The following TPD52 variants were observed in gnomAD, a reference collection of about 807,000 sequenced individuals.
The protein encoded by TPD52 is tumor protein D52.
In TPD52, 17 loss-of-function variants were observed where a neutral mutation model predicts 31.3. The observed-to-expected ratio is 0.54, with a 90% CI of 0.37 to 0.82. The LOEUF (loss-of-function observed/expected upper bound fraction) is 0.82, where lower values mean the gene tolerates loss of function less well. TPD52 is among the 40% of genes least tolerant of loss of function. TPD52 has a pLI of 0.00. For missense variants in TPD52, 212 were observed against 240.1 expected (o/e 0.88, Z 0.77); for synonymous variants, 83 against 89.6 (o/e 0.93, Z 0.42).
Position 80,061,378 on chromosome 8 carries a change from C to G in TPD52, c.135+3100G>C, listed in dbSNP as rs1446516281. On this transcript the variant is annotated intron_variant, in intron 2 of 7. Coordinates refer to ENST00000518937, the MANE Select transcript of TPD52 (RefSeq NM_001025253.3). ...AAACTCCATACCTTCCCCCCCACCGCCCCCCCCAAAAAAAAAAGAATCCAC... is the reference window on the plus strand; with the variant it reads ...AAACTCCATACCTTCCCCCCCACCGGCCCCCCCAAAAAAAAAAGAATCCAC... Among the ~76,000 whole-genome samples, 111 of 77,102 alleles carry G rather than the reference C, an allele frequency of 1.4e-3. 2 individuals carry two copies. The highest frequency in any genetic ancestry group is 4.6e-3 in the African/African-American group (107 of 23,476). 50.6% of individuals were successfully genotyped at this position (77,102 alleles called of 152,430 possible).
At chr8:80,094,441 T>A (rs1427922424) in intron 1 of TPD52, among the ~76,000 whole-genome samples, 1 of 33,372 alleles carries the variant, frequency 3.0e-5, no homozygotes, top group African/African-American at 2.0e-4. Context: ...TATATATATA[T>A]ATATATATAT....
chr8:80,132,253 G>A (rs1027366018), intron 1 of TPD52, among the ~76,000 whole-genome samples: 1 of 151,960 alleles, frequency 6.6e-6, no homozygotes, highest in Non-Finnish European at 1.5e-5. Context: ...GGAGCCTATG[G>A]GCAAATTTAT....
At chr8:80,079,216 T>A (rs1814951316) in intron 1 of TPD52, among the ~76,000 whole-genome samples, 1 of 152,228 alleles carries the variant, frequency 6.6e-6, no homozygotes, top group Non-Finnish European at 1.5e-5. Context: ...GGGGGGCCAC[T>A]TGGGCAAGGC....
chr8:80,103,165 T>G (rs1465504), intron 1 of TPD52, among the ~76,000 whole-genome samples: 101,131 of 151,972 alleles, frequency 0.67, 34,992 homozygotes, highest in African/African-American at 0.87. Flanking sequence ...CCCAAGGAGG[T>G]GAGTCATGGA....
intron 2 of TPD52, among the ~76,000 whole-genome samples, chr8:80,061,385 CAAAAAAAAAAGAAT>C (rs1812534697): frequency 2.9e-5 from 3 of 102,082 alleles, no homozygotes; most frequent in Non-Finnish European, 5.9e-5. Context: ...CCGCCCCCCC[CAAAAAAAAAAGAAT>C]CCACAAAAAA....
chr8:80,160,060 G>A (rs1811243655), intron 1 of TPD52, among the ~76,000 whole-genome samples: 2 of 152,056 alleles, frequency 1.3e-5, no homozygotes. Flanking sequence ...GCATGGTGGT[G>A]TGCGCCTGTG....
At chr8:80,098,590 C>A (rs532425272) in intron 1 of TPD52, among the ~76,000 whole-genome samples, 1 of 152,310 alleles carries the variant, frequency 6.6e-6, no homozygotes, top group South Asian at 2.1e-4. Flanking sequence ...TAGCTGCAAT[C>A]TCATGATAAC....
At chr8:80,105,407 G>A (rs912484066) in intron 1 of TPD52, among the ~76,000 whole-genome samples, 5 of 152,082 alleles carry the variant, frequency 3.3e-5, no homozygotes, top group Non-Finnish European at 5.9e-5. Flanking sequence ...TCCCTGTCCT[G>A]TTCTGTTCTG....
At chr8:80,051,079 T>A (rs1175286559) in intron 4 of TPD52, among the ~76,000 whole-genome samples, 1 of 151,018 alleles carries the variant, frequency 6.6e-6, no homozygotes, top group Non-Finnish European at 1.5e-5. Flanking sequence ...CCAGTTAGAA[T>A]AAAACAGTGC....
At chr8:80,128,554 A>G (rs1808798171) in intron 1 of TPD52, among the ~76,000 whole-genome samples, 1 of 150,700 alleles carries the variant, frequency 6.6e-6, no homozygotes, top group South Asian at 2.1e-4. Flanking sequence ...TCAGCTACTC[A>G]GGAGGCTGAG....
intron 1 of TPD52, among the ~76,000 whole-genome samples, chr8:80,129,102 T>C (rs61015541): frequency 0.17 from 25,304 of 152,162 alleles, 3,429 homozygotes; most frequent in African/African-American, 0.37. Flanking sequence ...GATTCAAGCT[T>C]GATACTTCCT....
At chr8:80,154,943 T>C (rs1265093174) in intron 1 of TPD52, among the ~76,000 whole-genome samples, 1 of 151,510 alleles carries the variant, frequency 6.6e-6, no homozygotes, top group Non-Finnish European at 1.5e-5. Flanking sequence ...ATAATTGTTT[T>C]TTGGGGTTGT....
Position 80,037,989 on chromosome 8 carries a change from T to A in TPD52, c.*127A>T. The stretch of plus-strand genomic sequence containing the variant: ...TTTGTTTAACCCACAAACTATTTGG[T>A]CAAAGGAATATGTAAAGCTAAATAA... On this transcript the variant is annotated 3_prime_UTR_variant, in exon 8 of 8. Transcript: ENST00000518937. 1 of 1,345,430 alleles carries A rather than the reference T, an allele frequency of 7.4e-7. No individual in the cohort carries two copies. The highest frequency in any genetic ancestry group is 2.3e-5 in the East Asian group (1 of 43,042). 83.3% of individuals were successfully genotyped at this position (1,345,430 alleles called of 1,614,324 possible).
At chr8:80,164,337 A>T (rs902276540) in intron 1 of TPD52, among the ~76,000 whole-genome samples, 1 of 152,216 alleles carries the variant, frequency 6.6e-6, no homozygotes, top group Non-Finnish European at 1.5e-5. Flanking sequence ...AGAATGTAAG[A>T]ATTTAGTACA....
chr8:80,090,385 A>C (rs1324039238), intron 1 of TPD52, among the ~76,000 whole-genome samples: 1 of 151,298 alleles, frequency 6.6e-6, no homozygotes, highest in Admixed American at 6.6e-5. Context: ...AAATAAATAA[A>C]GTTTTCAAAT....
chr8:80,147,323 G>T (rs1863440), intron 1 of TPD52, among the ~76,000 whole-genome samples: 1 of 151,920 alleles, frequency 6.6e-6, no homozygotes, highest in Non-Finnish European at 1.5e-5. Context: ...TCGCTGACGG[G>T]ATAGGAGAAT....
intron 1 of TPD52, among the ~76,000 whole-genome samples, chr8:80,114,281 C>T (rs55763069): frequency 0.44 from 66,657 of 151,892 alleles, 15,207 homozygotes; most frequent in East Asian, 0.79. Context: ...CTCCCTAAAC[C>T]TCCACCTATA....
chr8:80,159,917 G>A (rs1811233099), intron 1 of TPD52, among the ~76,000 whole-genome samples: 1 of 152,192 alleles, frequency 6.6e-6, no homozygotes, highest in African/African-American at 2.4e-5. Flanking sequence ...TTTAGGCCAG[G>A]CAGTGGCTCA....
At chr8:80,072,315 ATATG>A (rs1554582856) in intron 1 of TPD52, among the ~76,000 whole-genome samples, 1 of 70,396 alleles carries the variant, frequency 1.4e-5, no homozygotes, top group African/African-American at 6.3e-5. Context: ...TAAAAAACAT[ATATG>A]TGTGTGTGTG....
Sources: allele counts gnomAD v4.1 joint callset (sites outside exome capture counted in the v4.1 genomes callset), GRCh38; gene constraint gnomAD v4.1.1; transcripts MANE v1.5; gene names NCBI Gene and HGNC (gene_info 2026-07-23, HGNC 2026-07-21).